VPS4B: variants seen among roughly 807,000 people sequenced by gnomAD.
The protein encoded by VPS4B is vacuolar protein sorting 4 homolog B, also known as vacuolar protein sorting-associated protein 4B.
Under a neutral mutation model 56.1 loss-of-function variants are expected in VPS4B, and 23 were observed. That is an observed-to-expected ratio of 0.41 (90% CI 0.30 to 0.58). The LOEUF is 0.58. Ranked by LOEUF, VPS4B falls within the 20% of genes least tolerant of loss-of-function variation. The probability of loss-of-function intolerance (pLI) is 0.29; values close to 1 mark genes in which losing one functional copy is unlikely to be tolerated. For synonymous variants in VPS4B, 177 were observed against 186.0 expected (o/e 0.95, Z 0.39); for missense variants, 372 against 531.9 (o/e 0.70, Z 2.96).
At position 63,411,603 on chromosome 18, in the gene VPS4B, A is replaced by T. The variant is rs370228901; in HGVS notation, c.28-25T>A. ...TCTGTTTGAGGGAGGCAAAATAACA[A>T]CATTTAAATCAAAGCATAAACATAA... On this transcript the variant is annotated intron_variant, in intron 1 of 10. Coordinates refer to ENST00000238497, the MANE Select transcript of VPS4B (RefSeq NM_004869.4). The T allele has an allele frequency of 2.7e-6, 4 of 1,495,354 alleles. No individual in the cohort carries two copies. In the African/African-American group the frequency reaches 5.6e-5, roughly 21 times the overall value. 92.6% of individuals were successfully genotyped at this position (1,495,354 alleles called of 1,614,324 possible).
Position 63,400,681 on chromosome 18 carries a change from T to C in VPS4B, c.507A>G (p.Gly169=), listed in dbSNP as rs763621890. 6.2e-7 allele frequency: 1 copy of C among 1,602,916 alleles called. No homozygotes were observed. Among genetic ancestry groups the C allele is most frequent in the East Asian group, 2.2e-5 (1 of 44,786 alleles). The change falls in exon 6 of 11, where the codon GGA becomes GGG. Residue 169 remains glycine (G), a synonymous_variant. Transcript: ENST00000238497. ...LFTGKRTPWR[G]ILLFGPPGTG... ...TTCCAGGCGGCCCAAATAATAGGAT[T>C]CCCCTCCAAGGTGTTCTCTTGCCTA...
intron 1 of VPS4B, chr18:63,415,974 G>A (rs899884514): frequency 1.4e-5 from 3 of 221,954 alleles, no homozygotes; most frequent in East Asian, 1.2e-4. Flanking sequence ...CAGGCTGCTC[G>A]ATCACTTCTG....
chr18:63,410,932 G>A (rs1019704875), intron 2 of VPS4B, among the ~76,000 whole-genome samples: 3 of 152,062 alleles, frequency 2.0e-5, no homozygotes, highest in African/African-American at 7.2e-5. Context: ...CTACACAAAG[G>A]CCTCTGTCAG....
chr18:63,403,676 A>G, intron 5 of VPS4B, 31 bp downstream of exon 5: 1 of 1,578,214 alleles, frequency 6.3e-7, no homozygotes, highest in Non-Finnish European at 8.6e-7. Context: ...TTACAAACTC[A>G]TGAAATAAAA....
At chr18:63,408,558 C>A (rs1915966738) in intron 3 of VPS4B, among the ~76,000 whole-genome samples, 1 of 152,184 alleles carries the variant, frequency 6.6e-6, no homozygotes, top group Non-Finnish European at 1.5e-5. Context: ...GGGCTGCTCA[C>A]AAGGAGACAG....
Position 63,400,595 on chromosome 18 carries a change from GAA to G in VPS4B, c.591_592del (p.Ser198AsnfsTer5), listed in dbSNP as rs369884834. 6.2e-7 allele frequency: 1 copy of G among 1,609,690 alleles called. No individual in the cohort carries two copies. Among genetic ancestry groups the G allele is most frequent in the East Asian group, 2.2e-5 (1 of 44,740 alleles). On this transcript the variant is annotated frameshift_variant, in exon 6 of 11. Coordinates refer to ENST00000238497, the MANE Select transcript of VPS4B (RefSeq NM_004869.4). LOFTEE classifies it high-confidence loss of function. ...AGAAACAAGATCAGAGGAAGATATT[GAA>G]AAAAATGTTGAGTTGTTGGCTTCTG...
rs201835172 is a variant in VPS4B at position 63,411,450 on chromosome 18, A to C, written c.139+17T>G. The C allele has an allele frequency of 6.8e-7, 1 of 1,471,542 alleles. No individual in the cohort carries two copies. Among genetic ancestry groups the C allele is most frequent in the East Asian group, 2.4e-5 (1 of 42,158 alleles). 91.2% of individuals were successfully genotyped at this position (1,471,542 alleles called of 1,614,324 possible). On this transcript the variant is annotated intron_variant, in intron 2 of 10. Transcript: ENST00000238497. ...TCCTTTTCGTGTTTTTAAATAAAAT[A>C]TAACCTATGGCCTCACATTTAACGA...
intron 1 of VPS4B, among the ~76,000 whole-genome samples, chr18:63,421,919 T>G (rs1158269236): frequency 6.6e-6 from 1 of 152,158 alleles, no homozygotes. Context: ...TTGCAAAAAT[T>G]ACGTTCTTTC....
chr18:63,397,283 T>C (rs2144414103), intron 8 of VPS4B, 30 bp from the exon 9 acceptor site: 1 of 1,560,846 alleles, frequency 6.4e-7, no homozygotes, highest in Admixed American at 1.9e-5. Context: ...CAAGAATATA[T>C]TTAATTGAAA....
chr18:63,402,269 CT>C (rs1170632690), intron 5 of VPS4B, among the ~76,000 whole-genome samples: 1 of 96,946 alleles, frequency 1.0e-5, no homozygotes, highest in African/African-American at 5.2e-5. Flanking sequence ...TGGAAAAACA[CT>C]TTTTTTTCCA....
chr18:63,398,200 C>A (rs1233615470), intron 8 of VPS4B, among the ~76,000 whole-genome samples: 1 of 98,358 alleles, frequency 1.0e-5, no homozygotes, highest in Non-Finnish European at 1.9e-5. Context: ...TACACACACA[C>A]ACACATATAT....
In VPS4B at chr18:63,407,271, A is replaced by C. The variant is rs542902721; in HGVS notation, c.364+161T>G. On this transcript the variant is annotated intron_variant, in intron 4 of 10. Coordinates refer to ENST00000238497, the MANE Select transcript of VPS4B (RefSeq NM_004869.4). ...CCATGATCCTAGAGGGCAAACCCTAAGAAAACACTCTAAACAAAGCCAGCA... is the reference window on the plus strand; with the variant it reads ...CCATGATCCTAGAGGGCAAACCCTACGAAAACACTCTAAACAAAGCCAGCA... 4.7e-6 allele frequency: 3 copies of C among 642,754 alleles called. No homozygotes were observed. The Admixed American group carries it at 9.6e-5, about 21-fold the overall frequency. 39.8% of individuals were successfully genotyped at this position (642,754 alleles called of 1,614,324 possible).
chr18:63,396,263 CTTTTT>C (rs895509794), intron 9 of VPS4B: 42 of 152,036 alleles, frequency 2.8e-4, no homozygotes, highest in African/African-American at 1.0e-3. Flanking sequence ...AAGGCCTTTT[CTTTTT>C]TTAAGACAGG....
intron 1 of VPS4B, chr18:63,416,060 G>A (rs891129122): frequency 9.5e-5 from 18 of 189,058 alleles, no homozygotes; most frequent in African/African-American, 4.0e-4. Context: ...ACCATCACTG[G>A]TGACACCAGT....
At position 63,390,783 on chromosome 18, in the gene VPS4B, C is replaced by T. The variant is rs775557773; in HGVS notation, c.*192G>A. On this transcript the variant is annotated 3_prime_UTR_variant, in exon 11 of 11. Transcript: ENST00000238497. ...TTTCCTCATAACCTGTTATTTTGTA[C>T]CTTTTGTTAATAGGAGTATTTAATA... 33 of 431,568 alleles carry T rather than the reference C, an allele frequency of 7.6e-5. No homozygotes were observed. Among genetic ancestry groups the T allele is most frequent in the Non-Finnish European group, 9.5e-5 (23 of 241,454 alleles). The allele number at this position is 431,568 out of a possible 1,614,324, so 26.7% of individuals were successfully genotyped here.
intron 1 of VPS4B, among the ~76,000 whole-genome samples, chr18:63,421,841 T>C (rs1314988059): frequency 6.6e-6 from 1 of 152,240 alleles, no homozygotes; most frequent in Non-Finnish European, 1.5e-5. Context: ...TGAAGGGGTC[T>C]GCTGTCAGCT....
chr18:63,397,106 A>G lies in VPS4B; in HGVS notation c.1020T>C (p.Asp340=). Residue 340 remains aspartate, a synonymous_variant, in exon 9 of 11, where the codon GAT becomes GAC. Transcript: ENST00000238497. The part of the protein sequence containing the change: ...GRKTDGYSGA[D]ISIIVRDALM... ...GGGCATCACGTACAATGATACTTAT[A>G]TCTGCCCCTGAATAACCATCTGTTT... 2.5e-6 allele frequency: 4 copies of G among 1,614,170 alleles called. No individual in the cohort carries two copies. Among genetic ancestry groups the G allele is most frequent in the Non-Finnish European group, 3.4e-6 (4 of 1,180,024 alleles).
At chr18:63,397,346 G>T in intron 8 of VPS4B, 93 bp from the exon 9 acceptor site, 1 of 1,155,550 alleles carries the variant, frequency 8.7e-7, no homozygotes, top group Non-Finnish European at 1.2e-6. Flanking sequence ...GCCTGTATGT[G>T]CCAAGGTTAA....
At chr18:63,421,090 A>G (rs1916289082) in intron 1 of VPS4B, among the ~76,000 whole-genome samples, 1 of 152,094 alleles carries the variant, frequency 6.6e-6, no homozygotes, top group South Asian at 2.1e-4. Context: ...CAGACAAATC[A>G]ACACTTGACT....
Sources: allele counts gnomAD v4.1 joint callset (sites outside exome capture counted in the v4.1 genomes callset), GRCh38; gene constraint gnomAD v4.1.1; transcripts MANE v1.5; gene names NCBI Gene and HGNC (gene_info 2026-07-23, HGNC 2026-07-21).